UTRN: variants seen among roughly 807,000 people sequenced by gnomAD.
UTRN encodes utrophin, also known as dystrophin-related protein 1.
A neutral mutation model predicts 463.9 loss-of-function variants in UTRN; 283 were observed. That is an observed-to-expected ratio of 0.61 (90% CI 0.55 to 0.67). The LOEUF (loss-of-function observed/expected upper bound fraction) is 0.67, where lower values mean the gene tolerates loss of function less well. Ranked by LOEUF, UTRN falls within the 30% of genes least tolerant of loss-of-function variation. The pLI is 0.00. For missense variants in UTRN, 3,922 were observed against 4,084.3 expected (o/e 0.96, Z 1.08); for synonymous variants, 1,442 against 1,431.5 (o/e 1.01, Z -0.17).
Position 144,825,296 on chromosome 6 carries a change from T to C in UTRN, c.9495-2052T>C, listed in dbSNP as rs150175826. Among the ~76,000 whole-genome samples the C allele has an allele frequency of 1.2e-3, 184 of 152,358 alleles. 3 individuals are homozygous for C. The East Asian group carries it at 0.029, about 24-fold the overall frequency. On this transcript the variant is annotated intron_variant, in intron 66 of 74. Transcript: ENST00000367545. ...TGGAGAGCAGGGATAGGCTGCGTTC[T>C]GAAGCCTGGGCTAACACACACATTG...
At chr6:144,384,339 C>T (rs573075628) in intron 2 of UTRN, among the ~76,000 whole-genome samples, 2 of 152,018 alleles carry the variant, frequency 1.3e-5, no homozygotes, top group East Asian at 1.9e-4. Context: ...CAGCGGCATT[C>T]GATTCTCATA....
chr6:144,373,369 C>A (rs1780176072), intron 2 of UTRN, among the ~76,000 whole-genome samples: 1 of 152,170 alleles, frequency 6.6e-6, no homozygotes, highest in Non-Finnish European at 1.5e-5. Context: ...CAAGCTGCAA[C>A]ATGCATGGGC....
At chr6:144,349,773 C>T (rs2502640) in intron 2 of UTRN, among the ~76,000 whole-genome samples, 2 of 152,062 alleles carry the variant, frequency 1.3e-5, no homozygotes. Context: ...TTCTCTGACC[C>T]CTACTTAGAG....
In UTRN at chr6:144,434,169, C is replaced by T. The variant is rs1015191072; in HGVS notation, c.856-1766C>T. Among the ~76,000 whole-genome samples the T allele has an allele frequency of 6.6e-5, 10 of 152,352 alleles. No homozygotes were observed. The South Asian group carries it at 1.4e-3, about 22-fold the overall frequency. ...CAGCCCGGCCAACACAGCGAAACCC[C>T]GTCTCCACCAAAAAAATACGAAAAC... On this transcript the variant is annotated intron_variant, in intron 9 of 74. Coordinates refer to ENST00000367545, the MANE Select transcript of UTRN (RefSeq NM_007124.3).
At chr6:144,392,782 A>T (rs188968846) in intron 2 of UTRN, among the ~76,000 whole-genome samples, 209 of 152,264 alleles carry the variant, frequency 1.4e-3, no homozygotes, top group African/African-American at 4.7e-3. Context: ...ATAGCATCCT[A>T]CCTGTCTCTT....
chr6:144,751,700 G>T, intron 55 of UTRN, 106 bp from the exon 56 acceptor site: 2 of 1,098,074 alleles, frequency 1.8e-6, no homozygotes, highest in Non-Finnish European at 2.4e-6. Flanking sequence ...AAAAATCTGT[G>T]CATATGTGAA....
chr6:144,631,852 A>C (rs1776557507), intron 51 of UTRN, among the ~76,000 whole-genome samples: 1 of 152,216 alleles, frequency 6.6e-6, no homozygotes, highest in Admixed American at 6.5e-5. Context: ...CTGGAAAGAA[A>C]GAAAAAGAAG....
chr6:144,801,828 C>A (rs1777726782), intron 64 of UTRN, among the ~76,000 whole-genome samples: 1 of 152,154 alleles, frequency 6.6e-6, no homozygotes, highest in Non-Finnish European at 1.5e-5. Context: ...TGGCTTCCAT[C>A]TTCAAAGTCA....
At chr6:144,459,555 A>G (rs1448559658) in intron 21 of UTRN, among the ~76,000 whole-genome samples, 1 of 152,124 alleles carries the variant, frequency 6.6e-6, no homozygotes, top group Non-Finnish European at 1.5e-5. Context: ...CATACAAGCA[A>G]GTTTCACATT....
At chr6:144,533,351 T>C (rs1797232385) in intron 43 of UTRN, 91 bp downstream of exon 43, 10 of 1,513,730 alleles carry the variant, frequency 6.6e-6, no homozygotes, top group South Asian at 1.4e-5. Flanking sequence ...CTTTTATTGT[T>C]TGACATTATA....
intron 65 of UTRN, among the ~76,000 whole-genome samples, chr6:144,814,127 T>C (rs1778869176): frequency 6.6e-6 from 1 of 152,208 alleles, no homozygotes; most frequent in Non-Finnish European, 1.5e-5. Context: ...ATCTAATCCC[T>C]AGTGTGATAG....
intron 51 of UTRN, among the ~76,000 whole-genome samples, chr6:144,624,652 G>A (rs1309214610): frequency 6.6e-6 from 1 of 152,144 alleles, no homozygotes; most frequent in African/African-American, 2.4e-5. Context: ...GGCAGAAGGG[G>A]CAATGGGAAG....
chr6:144,434,929 GCA>G lies in UTRN; in HGVS notation c.856-1003_856-1002del, dbSNP rs376147928. 3.3e-4 allele frequency among the ~76,000 whole-genome samples: 51 copies of G among 152,272 alleles called. 2 individuals are homozygous for G. The South Asian group carries it at 8.1e-3, about 24-fold the overall frequency. On this transcript the variant is annotated intron_variant, in intron 9 of 74. Transcript: ENST00000367545. ...GTTCTGGTTTGGATTTGTTGTTTGA[GCA>G]CAGTTATCATCAAAAATACTCTAGT...
chr6:144,519,771 T>G (rs570038730), intron 39 of UTRN, among the ~76,000 whole-genome samples: 1 of 152,202 alleles, frequency 6.6e-6, no homozygotes, highest in Non-Finnish European at 1.5e-5. Flanking sequence ...TCTTAATGAA[T>G]GGGAATTTTT....
chr6:144,583,208 G>C lies in UTRN; in HGVS notation c.7479+5920G>C, dbSNP rs1271452103. 6 of 326,800 alleles carry C rather than the reference G, an allele frequency of 1.8e-5. No individual in the cohort carries two copies. The Admixed American group carries it at 2.4e-4, about 13-fold the overall frequency. 20.2% of individuals were successfully genotyped at this position (326,800 alleles called of 1,614,324 possible). A position where few individuals can be genotyped will look rare whatever the true frequency, so the allele number is the denominator to read the frequency against. On this transcript the variant is annotated intron_variant, in intron 51 of 74. Coordinates refer to ENST00000367545, the MANE Select transcript of UTRN (RefSeq NM_007124.3). Reference sequence around the variant, plus strand: ...CGCAGCCGGCAGCGCTTGGCTGCTCGACAACTTCCTTCATTTCTGGCCATG... The same window carrying C: ...CGCAGCCGGCAGCGCTTGGCTGCTCCACAACTTCCTTCATTTCTGGCCATG...
At chr6:144,449,170 C>T (rs927818220) in intron 17 of UTRN, among the ~76,000 whole-genome samples, 6 of 152,178 alleles carry the variant, frequency 3.9e-5, no homozygotes, top group African/African-American at 1.4e-4. Context: ...TCAGAAAGTG[C>T]AGGGGATCCT....
At chr6:144,418,799 G>A (rs1014250910) in intron 3 of UTRN, among the ~76,000 whole-genome samples, 4 of 152,042 alleles carry the variant, frequency 2.6e-5, no homozygotes, top group South Asian at 4.2e-4. Context: ...TGATCCTCTC[G>A]CCTCGGCCTC....
At chr6:144,567,352 T>G (rs1800501073) in intron 50 of UTRN, among the ~76,000 whole-genome samples, 1 of 152,092 alleles carries the variant, frequency 6.6e-6, no homozygotes. Flanking sequence ...ATTGGTTGAC[T>G]AATGAAGACC....
intron 34 of UTRN, among the ~76,000 whole-genome samples, chr6:144,507,785 G>A (rs6939981): frequency 0.022 from 3,345 of 152,282 alleles, 145 homozygotes; most frequent in African/African-American, 0.076. Context: ...AGCAGAGTTC[G>A]AGCTCTGTGC....
Sources: allele counts gnomAD v4.1 joint callset (sites outside exome capture counted in the v4.1 genomes callset), GRCh38; gene constraint gnomAD v4.1.1; transcripts MANE v1.5; gene names NCBI Gene and HGNC (gene_info 2026-07-23, HGNC 2026-07-21).